Variants in SCIN observed in about 807,000 individuals in gnomAD.
SCIN encodes adseverin.
A neutral mutation model predicts 91.8 loss-of-function variants in SCIN; 91 were observed. That is an observed-to-expected ratio of 0.99 (90% CI 0.84 to 1.18). The LOEUF (loss-of-function observed/expected upper bound fraction) is 1.18. Ranked by LOEUF, SCIN falls within the 50% of genes most tolerant of loss-of-function variation. The pLI, the probability that SCIN is intolerant of heterozygous loss-of-function variation, is 0.00. For missense variants in SCIN, 1,087 were observed against 863.9 expected (o/e 1.26, Z -3.24); for synonymous variants, 367 against 312.6 (o/e 1.17, Z -1.84).
chr7:12,622,096 G>A (rs779589896), intron 4 of SCIN, among the ~76,000 whole-genome samples: 1 of 151,646 alleles, frequency 6.6e-6, no homozygotes, highest in Admixed American at 6.6e-5. Context: ...ATTAATTAAG[G>A]TACTCATAGA....
At chr7:12,627,957 G>A (rs1363088172) in intron 8 of SCIN, among the ~76,000 whole-genome samples, 1 of 152,030 alleles carries the variant, frequency 6.6e-6, no homozygotes, top group African/African-American at 2.4e-5. Context: ...CACTGTTCCT[G>A]TCCACTTGCT....
Position 12,656,210 on chromosome 7 carries a change from A to C in SCIN, c.*3495A>C, listed in dbSNP as rs1784159919. On this transcript the variant is annotated 3_prime_UTR_variant, in exon 16 of 16. Coordinates refer to ENST00000297029, the MANE Select transcript of SCIN (RefSeq NM_001112706.3). ...GAACACACTATAAACATAAAACATC[A>C]GTCCACTTAACTCATTATTCAGTCA... 1 of 152,210 alleles carries C rather than the reference A, an allele frequency of 6.6e-6. No homozygotes were observed. Among genetic ancestry groups the C allele is most frequent in the Non-Finnish European group, 1.5e-5 (1 of 68,036 alleles). The allele number at this position is 152,210 out of a possible 1,614,324, so 9.4% of individuals were successfully genotyped here. A position where few individuals can be genotyped will look rare whatever the true frequency, so the allele number is the denominator to read the frequency against.
chr7:12,652,842 A>C lies in SCIN; in HGVS notation c.*127A>C, dbSNP rs1197093527. 12 of 1,134,894 alleles carry C rather than the reference A, an allele frequency of 1.1e-5. No individual in the cohort carries two copies. The highest frequency in any genetic ancestry group is 1.5e-5 in the Non-Finnish European group (12 of 806,470). 70.3% of individuals were successfully genotyped at this position (1,134,894 alleles called of 1,614,324 possible). On this transcript the variant is annotated 3_prime_UTR_variant, in exon 16 of 16. Coordinates refer to ENST00000297029, the MANE Select transcript of SCIN (RefSeq NM_001112706.3). ...ATTAAGGCTGGGCGCGGTGGCTCACACCTGTAATCCCAGCACTTTGAGAGG... is the reference window on the plus strand; with the variant it reads ...ATTAAGGCTGGGCGCGGTGGCTCACCCCTGTAATCCCAGCACTTTGAGAGG...
At chr7:12,630,147 C>CAG (rs551255722) in intron 9 of SCIN, among the ~76,000 whole-genome samples, 49 of 152,094 alleles carry the variant, frequency 3.2e-4, no homozygotes, top group African/African-American at 1.1e-3. Flanking sequence ...CACACCGAGA[C>CAG]AGTCACATGC....
chr7:12,634,469 G>T (rs1447048431), intron 9 of SCIN, among the ~76,000 whole-genome samples: 5 of 145,158 alleles, frequency 3.4e-5, no homozygotes, highest in Non-Finnish European at 7.5e-5. Context: ...TGGGCAACAA[G>T]AGCGAAACTC....
At position 12,651,288 on chromosome 7, in the gene SCIN, T is replaced by G. The variant is rs1301119089; in HGVS notation, c.1960-553T>G. Among the ~76,000 whole-genome samples the G allele has an allele frequency of 6.6e-6, 1 of 152,170 alleles. No individual in the cohort carries two copies. ...TTCTTTCAGACCTTTAAGAGTGTGATACTCTCAGTTAATCTTCCCTAGATC... is the reference window on the plus strand; with the variant it reads ...TTCTTTCAGACCTTTAAGAGTGTGAGACTCTCAGTTAATCTTCCCTAGATC... On this transcript the variant is annotated intron_variant, in intron 14 of 15. Coordinates refer to ENST00000297029, the MANE Select transcript of SCIN (RefSeq NM_001112706.3). This position sits in a 1 kb window ranked among gnomAD's most constrained non-coding sequence, Gnocchi z 5.9.
chr7:12,621,947 T>C (rs1482009722), intron 4 of SCIN, among the ~76,000 whole-genome samples: 2 of 151,892 alleles, frequency 1.3e-5, no homozygotes, highest in African/African-American at 4.8e-5. Context: ...GTGTGTTAAA[T>C]ATTTGTTGTA....
intron 4 of SCIN, among the ~76,000 whole-genome samples, chr7:12,614,741 G>A (rs1042340035): frequency 6.6e-6 from 1 of 152,162 alleles, no homozygotes. Context: ...CCCAGAACCT[G>A]CCTTGTATTT....
chr7:12,603,235 C>A (rs562739335), intron 3 of SCIN, among the ~76,000 whole-genome samples: 1 of 152,166 alleles, frequency 6.6e-6, no homozygotes, highest in Non-Finnish European at 1.5e-5. Flanking sequence ...AGCTTTGCCT[C>A]CCGGGTTCAC....
intron 4 of SCIN, among the ~76,000 whole-genome samples, chr7:12,605,799 A>C: frequency 6.6e-6 from 1 of 152,232 alleles, no homozygotes; most frequent in South Asian, 2.1e-4. Context: ...GCCAGTATTT[A>C]AAATATTTCA....
chr7:12,629,913 G>C (rs1783607582), intron 9 of SCIN, among the ~76,000 whole-genome samples: 1 of 152,008 alleles, frequency 6.6e-6, no homozygotes, highest in Non-Finnish European at 1.5e-5. Flanking sequence ...TTTTTATTAA[G>C]TGAAATCAGG....
At chr7:12,627,239 G>A (rs1402846268) in intron 8 of SCIN, among the ~76,000 whole-genome samples, 6 of 152,040 alleles carry the variant, frequency 3.9e-5, no homozygotes. Flanking sequence ...TCCATCTTCA[G>A]CTGGACCCTT....
intron 1 of SCIN, 170 bp downstream of exon 1, chr7:12,571,155 A>T (rs1159339213): frequency 1.4e-6 from 1 of 713,832 alleles, no homozygotes; most frequent in Non-Finnish European, 2.2e-6. Context: ...TACCGAAGTC[A>T]ACTCGCCGGC....
At chr7:12,642,586 A>T (rs1783879268) in intron 11 of SCIN, among the ~76,000 whole-genome samples, 1 of 149,852 alleles carries the variant, frequency 6.7e-6, no homozygotes, top group Admixed American at 6.8e-5. Flanking sequence ...CACCTCAATC[A>T]GGTATCCATC....
intron 9 of SCIN, among the ~76,000 whole-genome samples, chr7:12,634,381 A>G (rs1270740121): frequency 1.3e-5 from 2 of 151,922 alleles, no homozygotes; most frequent in Non-Finnish European, 2.9e-5. Context: ...GCTACTCGGG[A>G]GGCTGAGGCA....
chr7:12,578,081 G>C lies in SCIN; in HGVS notation c.217G>C (p.Asp73His). The change falls in exon 2 of 16, where the codon GAT becomes CAT. Residue 73 changes from aspartate to histidine, a missense_variant. Transcript: ENST00000297029. ...HFWLGKECSQ[D>H]ESTAAAIFTV... is the part of the protein sequence containing the mutation. ...TGTTTTAGGAAAGGAGTGTTCCCAGGATGAAAGCACAGCTGCTGCCATCTT... is the reference window on the plus strand; with the variant it reads ...TGTTTTAGGAAAGGAGTGTTCCCAGCATGAAAGCACAGCTGCTGCCATCTT... 1.3e-6 allele frequency: 2 copies of C among 1,546,338 alleles called. No homozygotes were observed. The highest frequency in any genetic ancestry group is 1.7e-6 in the Non-Finnish European group (2 of 1,144,616).
At chr7:12,590,986 G>A (rs1234202813) in intron 3 of SCIN, among the ~76,000 whole-genome samples, 1 of 152,110 alleles carries the variant, frequency 6.6e-6, no homozygotes, top group South Asian at 2.1e-4. Context: ...GAGGATCCTG[G>A]CTTCAATTAC....
chr7:12,584,343 T>C lies in SCIN; in HGVS notation c.516+3122T>C, dbSNP rs1782545082. On this transcript the variant is annotated intron_variant, in intron 3 of 15. Transcript: ENST00000297029. ...AGGTATGAAAAACTTAGGTTAAACA[T>C]CCAGTTATCACCCAGCTAAGGCCAC... Among the ~76,000 whole-genome samples the C allele has an allele frequency of 2.0e-5, 3 of 152,188 alleles. No individual in the cohort carries two copies. In the South Asian group the frequency reaches 6.2e-4, roughly 32 times the overall value.
chr7:12,613,766 T>C (rs2115261301), intron 4 of SCIN, among the ~76,000 whole-genome samples: 1 of 152,346 alleles, frequency 6.6e-6, no homozygotes, highest in Middle Eastern at 3.4e-3. Context: ...TATGTTTATT[T>C]AAAGGCTTTA....
Sources: gnomAD v4.1 joint callset for allele counts (sites outside exome capture counted in the v4.1 genomes callset) on GRCh38, gnomAD v4.1.1 for gene constraint, Gnocchi (gnomAD v3.1) non-coding constraint, MANE v1.5 for transcripts, NCBI Gene and HGNC (gene_info 2026-07-23, HGNC 2026-07-21) for gene names.